Variants in EPHB6 observed in about 807,000 individuals in gnomAD.
EPHB6 encodes the protein EPH receptor B6, also known as ephrin type-B receptor 6.
In EPHB6, 51 loss-of-function variants were observed where a neutral mutation model predicts 107.0. That is an observed-to-expected ratio of 0.48 (90% CI 0.38 to 0.60). EPHB6 has a LOEUF of 0.60. Ranked by LOEUF, EPHB6 falls within the 20% of genes least tolerant of loss-of-function variation. The pLI is 0.00. For synonymous variants in EPHB6, 553 were observed against 549.0 expected (o/e 1.01, Z -0.10); for missense variants, 1,141 against 1,355.5 (o/e 0.84, Z 2.48).
At chr7:142,863,728 C>T (rs2116411822) in intron 6 of EPHB6, 33 bp downstream of exon 6, 1 of 1,607,462 alleles carries the variant, frequency 6.2e-7, no homozygotes, top group Non-Finnish European at 8.5e-7. Context: ...ACCTGAATCC[C>T]TTGGCCCTGC....
chr7:142,865,683 A>C (rs1803119898), intron 8 of EPHB6, 53 bp downstream of exon 8: 4 of 1,600,024 alleles, frequency 2.5e-6, no homozygotes, highest in Admixed American at 3.4e-5. Context: ...GAGGGGCCAG[A>C]AGTGGGGGTA....
Position 142,864,608 on chromosome 7 carries a change from G to A in EPHB6, c.808G>A (p.Glu270Lys). ...CACCTGTGTGGCTCATGCAGAGCCAGAGGAGGATGGAGTAGGGGGCCAGGC... is the reference window on the plus strand; with the variant it reads ...CACCTGTGTGGCTCATGCAGAGCCAAAGGAGGATGGAGTAGGGGGCCAGGC... ...VGTCVAHAEP[E>K]EDGVGGQAGG... The change falls in exon 7 of 20, where the codon GAG becomes AAG. Residue 270 changes from glutamate (E) to lysine (K), a missense_variant. Physicochemically the swap from Glu to Lys is moderately conservative, Grantham distance 56 (BLOSUM62 1). Around this residue, in one of 3 missense-constraint regions of EPHB6, gnomAD observed 304 missense variants for 295.7 expected, o/e 1.03. Coordinates refer to ENST00000652003, the MANE Select transcript of EPHB6 (RefSeq NM_004445.6). 15 of 1,612,734 alleles carry A rather than the reference G, an allele frequency of 9.3e-6. No individual in the cohort carries two copies. The highest frequency in any genetic ancestry group is 1.3e-5 in the Non-Finnish European group (15 of 1,179,712).
Position 142,863,231 on chromosome 7 carries a change from G to A in EPHB6, c.4G>A (p.Ala2Thr), listed in dbSNP as rs1223605432. 1 of 1,614,064 alleles carries A rather than the reference G, an allele frequency of 6.2e-7. No homozygotes were observed. Among genetic ancestry groups the A allele is most frequent in the African/African-American group, 1.3e-5 (1 of 75,022 alleles). Reference sequence around the variant, plus strand: ...GTGGACGCCCTGAAGATGTCCCATGGCTACTGAAGGGGCTGCCCAGTTAGG... The same window carrying A: ...GTGGACGCCCTGAAGATGTCCCATGACTACTGAAGGGGCTGCCCAGTTAGG... M[A>T]TEGAAQLGNR... The change falls in exon 5 of 20, where the codon GCT becomes ACT. Residue 2 changes from alanine to threonine, a missense_variant. Coordinates refer to ENST00000652003, the MANE Select transcript of EPHB6 (RefSeq NM_004445.6).
chr7:142,861,495 G>T (rs1190752842), intron 2 of EPHB6, among the ~76,000 whole-genome samples: 3 of 152,128 alleles, frequency 2.0e-5, no homozygotes, highest in African/African-American at 7.2e-5. Flanking sequence ...CACTTCCTTT[G>T]CCTTTTTCAC....
Position 142,868,914 on chromosome 7 carries a change from A to G in EPHB6, c.2287-60A>G. 2.6e-6 allele frequency: 4 copies of G among 1,522,194 alleles called. No individual in the cohort carries two copies. The Admixed American group carries it at 8.0e-5, about 31-fold the overall frequency. The allele number at this position is 1,522,194 out of a possible 1,614,324, so 94.3% of individuals were successfully genotyped here. On this transcript the variant is annotated intron_variant, in intron 15 of 19. Coordinates refer to ENST00000652003, the MANE Select transcript of EPHB6 (RefSeq NM_004445.6). The surrounding 1 kb of genome is among the most constrained non-coding windows in gnomAD (Gnocchi z 4.2). ...CTCATGCTGTTGTCTGCTATGCAGTATGTTGAGGTCTCCCCCTGTCTCCGA... is the reference window on the plus strand; with the variant it reads ...CTCATGCTGTTGTCTGCTATGCAGTGTGTTGAGGTCTCCCCCTGTCTCCGA...
rs755806490 is a variant in EPHB6, at chr7:142,867,087, C to G, written c.1750+19C>G. On this transcript the variant is annotated intron_variant, in intron 11 of 19. Transcript: ENST00000652003. The surrounding 1 kb of genome is among the most constrained non-coding windows in gnomAD (Gnocchi z 5.3). ...CCTCAAGGTGAGCGGGGGTCAAGGG[C>G]CAGATGGGCAGGTGAAGGCCCAAGT... The G allele has an allele frequency of 8.1e-6, 13 of 1,609,676 alleles. No individual in the cohort carries two copies.
Position 142,869,103 on chromosome 7 carries a change from A to G in EPHB6, c.2416A>G (p.Ser806Gly). ...GTCTGCCCACAGCGTGCTGGTGAAT[A>G]GCCACTTGGTGTGCAAGGTGGCCCG... ...SLSAHSVLVNSHLVCKVARLG... is the reference protein window; with the variant it reads ...SLSAHSVLVNGHLVCKVARLG... The change falls in exon 16 of 20, where the codon AGC becomes GGC. Residue 806 changes from serine (S) to glycine (G), a missense_variant. By Grantham distance (56) the Ser-to-Gly change is moderately conservative. Transcript: ENST00000652003. This position sits in a 1 kb window ranked among gnomAD's most constrained non-coding sequence, Gnocchi z 4.5. 1 of 1,613,812 alleles carries G rather than the reference A, an allele frequency of 6.2e-7. No homozygotes were observed. Among genetic ancestry groups the G allele is most frequent in the Admixed American group, 1.7e-5 (1 of 60,026 alleles).
rs1432648946 is a variant in EPHB6, at chr7:142,864,603, A to G, written c.803A>G (p.Glu268Gly). 1 of 1,612,586 alleles carries G rather than the reference A, an allele frequency of 6.2e-7. No individual in the cohort carries two copies. The highest frequency in any genetic ancestry group is 8.5e-7 in the Non-Finnish European group (1 of 1,179,738). ...GTGGGCACCTGTGTGGCTCATGCAG[A>G]GCCAGAGGAGGATGGAGTAGGGGGC... ...AAVGTCVAHAEPEEDGVGGQA... is the reference protein window; with the variant it reads ...AAVGTCVAHAGPEEDGVGGQA... The change falls in exon 7 of 20, where the codon GAG becomes GGG. Residue 268 changes from glutamate (E) to glycine (G), a missense_variant. Physicochemically the swap from Glu to Gly is moderately conservative, Grantham distance 98. Around this residue, in one of 3 missense-constraint regions of EPHB6, gnomAD observed 304 missense variants for 295.7 expected, o/e 1.03. Transcript: ENST00000652003.
At chr7:142,858,492 G>A (rs1348527471) in intron 1 of EPHB6, among the ~76,000 whole-genome samples, 1 of 132,300 alleles carries the variant, frequency 7.6e-6, no homozygotes, top group Non-Finnish European at 1.5e-5. Flanking sequence ...CTGGAGTGCA[G>A]TGGCACGATC....
At position 142,866,013 on chromosome 7, in the gene EPHB6, A is replaced by G. The variant is rs1307495986; in HGVS notation, c.1159A>G (p.Met387Val). Residue 387 changes from methionine to valine, a missense_variant, in exon 9 of 20, where the codon ATG (methionine) becomes GTG (valine). Met to Val is a conservative substitution (Grantham distance 21, BLOSUM62 1). Around this residue, in one of 3 missense-constraint regions of EPHB6, gnomAD observed 304 missense variants for 295.7 expected, o/e 1.03. Transcript: ENST00000652003. This position sits in a 1 kb window ranked among gnomAD's most constrained non-coding sequence, Gnocchi z 5.2. ...LWFEVQGSALMLHWRLPRELG... is the reference protein window; with the variant it reads ...LWFEVQGSALVLHWRLPRELG... ...GTTTGAGGTGCAAGGCTCAGCACTCATGCTACACTGGCGCCTGCCTCGGGA... is the reference window on the plus strand; with the variant it reads ...GTTTGAGGTGCAAGGCTCAGCACTCGTGCTACACTGGCGCCTGCCTCGGGA... The G allele has an allele frequency of 5.0e-5, 80 of 1,613,792 alleles. No individual in the cohort carries two copies. Among genetic ancestry groups the G allele is most frequent in the Non-Finnish European group, 6.4e-5 (75 of 1,179,994 alleles).
chr7:142,858,589 C>T (rs1249734185), intron 1 of EPHB6, among the ~76,000 whole-genome samples: 7 of 145,476 alleles, frequency 4.8e-5, no homozygotes, highest in Non-Finnish European at 9.0e-5. Flanking sequence ...GCACACGCCA[C>T]CACGCCCAGC....
intron 6 of EPHB6, 41 bp downstream of exon 6, chr7:142,863,736 T>G (rs1335243173): frequency 3.1e-6 from 5 of 1,598,616 alleles, no homozygotes; most frequent in Non-Finnish European, 4.3e-6. Flanking sequence ...CCCTTGGCCC[T>G]GCCCCTCCCT....
chr7:142,864,442 C>T lies in EPHB6; in HGVS notation c.642C>T (p.Phe214=), dbSNP rs1251823545. ...PLTQRGFYVA[F]QDTGACLALV... is the part of the protein sequence containing the mutation. ...CCCAACGCGGCTTCTACGTGGCCTT[C>T]CAGGACACGGGGGCCTGCCTGGCCC... is the stretch of plus-strand genomic sequence containing the variant. The change falls in exon 7 of 20, where the codon TTC becomes TTT. Residue 214 remains phenylalanine (F), a synonymous_variant. Transcript: ENST00000652003. The T allele has an allele frequency of 1.9e-6, 3 of 1,612,316 alleles. No homozygotes were observed. The South Asian group carries it at 3.3e-5, about 18-fold the overall frequency.
rs199848311 is a variant in EPHB6 at position 142,869,796 on chromosome 7, G to A, written c.2461-21G>A. On this transcript the variant is annotated intron_variant, in intron 16 of 19. Coordinates refer to ENST00000652003, the MANE Select transcript of EPHB6 (RefSeq NM_004445.6). The surrounding 1 kb of genome is among the most constrained non-coding windows in gnomAD (Gnocchi z 4.5). ...ACTATTACTATGATTATTACTATTT[G>A]CTTTTGACTTTACCCCTCAGGGCCC... 1.2e-6 allele frequency: 2 copies of A among 1,614,002 alleles called. No individual in the cohort carries two copies. The highest frequency in any genetic ancestry group is 2.7e-5 in the African/African-American group (2 of 75,044).
chr7:142,858,131 A>AT (rs1388303534), intron 1 of EPHB6, among the ~76,000 whole-genome samples: 1 of 152,218 alleles, frequency 6.6e-6, no homozygotes, highest in Non-Finnish European at 1.5e-5. Flanking sequence ...AACAAGAAAA[A>AT]TAATTGAATT....
rs145153162 is a variant in EPHB6, at chr7:142,870,789, C to T, written c.2961-7C>T. On this transcript the variant is annotated splice_region_variant and splice_polypyrimidine_tract_variant and intron_variant, in intron 19 of 19. Coordinates refer to ENST00000652003, the MANE Select transcript of EPHB6 (RefSeq NM_004445.6). ...GGCCCAGATTTGATCCCTTCCCTCC[C>T]CACCAGAGACCTGCCTGCCCTGGGC... 2.2e-5 allele frequency: 36 copies of T among 1,614,176 alleles called. No homozygotes were observed. In the East Asian group the frequency reaches 7.8e-4, roughly 35 times the overall value.
Position 142,864,568 on chromosome 7 carries a change from G to T in EPHB6, c.768G>T (p.Leu256=), listed in dbSNP as rs755759553. The T allele has an allele frequency of 2.5e-6, 4 of 1,612,982 alleles. No individual in the cohort carries two copies. The Admixed American group carries it at 6.7e-5, about 27-fold the overall frequency. ...CCAGTGGGGCTGGGGGGGCCTCCCT[G>T]GTGGCAGCTGTGGGCACCTGTGTGG... ...TQASGAGGAS[L]VAAVGTCVAH... is the part of the protein sequence containing the mutation. The change falls in exon 7 of 20, where the codon CTG becomes CTT. Residue 256 remains leucine, a synonymous_variant. Transcript: ENST00000652003.
In EPHB6 at chr7:142,866,893, C is replaced by T. The variant is rs1282731288; in HGVS notation, c.1588-13C>T. ...AGGGGGCCAGGCAGGGAGTGAGTGG[C>T]TGTTACCCCCAGGCAGAAGACGAAT... On this transcript the variant is annotated splice_polypyrimidine_tract_variant and intron_variant, in intron 10 of 19. Coordinates refer to ENST00000652003, the MANE Select transcript of EPHB6 (RefSeq NM_004445.6). This position sits in a 1 kb window ranked among gnomAD's most constrained non-coding sequence, Gnocchi z 5.2. The T allele has an allele frequency of 8.1e-6, 13 of 1,613,846 alleles. No homozygotes were observed. Among genetic ancestry groups the T allele is most frequent in the Non-Finnish European group, 1.1e-5 (13 of 1,179,952 alleles).
At chr7:142,865,760 C>G in intron 8 of EPHB6, 130 bp downstream of exon 8, 1 of 1,339,340 alleles carries the variant, frequency 7.5e-7, no homozygotes, top group Non-Finnish European at 1.0e-6. Context: ...TTGGCTTCCT[C>G]CCCTCCCTGT....
Sources: allele counts gnomAD v4.1 joint callset (sites outside exome capture counted in the v4.1 genomes callset), GRCh38; gene constraint gnomAD v4.1.1; regional missense constraint gnomAD v4.1.1; non-coding constraint Gnocchi (gnomAD v3.1); transcripts MANE v1.5; gene names NCBI Gene and HGNC (gene_info 2026-07-23, HGNC 2026-07-21).